LOC112694756: variants seen among roughly 807,000 people sequenced by gnomAD.
chr16:30,069,663 C>A, the LOC112694756 span: 1 of 1,613,596 alleles, frequency 6.2e-7, no homozygotes, highest in Non-Finnish European at 8.5e-7. Flanking sequence ...CAGTGCCCCC[C>A]GCTGTCACTG....
At chr16:30,060,270 C>T in the LOC112694756 span, among the ~76,000 whole-genome samples, 1 of 152,274 alleles carries the variant, frequency 6.6e-6, no homozygotes, top group East Asian at 1.9e-4. Context: ...TGAGCCACCA[C>T]ACCTGGCCTT....
the LOC112694756 span, chr16:30,067,517 C>G: frequency 6.2e-7 from 1 of 1,613,896 alleles, no homozygotes. Context: ...GCTTCTACCG[C>G]CAGCTGCTGC....
the LOC112694756 span, chr16:30,070,176 C>T: frequency 1.2e-6 from 2 of 1,614,132 alleles, no homozygotes; most frequent in Non-Finnish European, 1.7e-6. Context: ...GGGCTGCTGC[C>T]AGCGAGTCCC....
At chr16:30,069,324 G>A in the LOC112694756 span, 9 of 1,614,160 alleles carry the variant, frequency 5.6e-6, no homozygotes, top group Admixed American at 1.0e-4. Flanking sequence ...TGTGCCCATC[G>A]TGGAGCCTGA....
At chr16:30,067,820 A>G in the LOC112694756 span, 3 of 792,218 alleles carry the variant, frequency 3.8e-6, no homozygotes, top group South Asian at 1.5e-5. Context: ...AATCCTCACA[A>G]TTCTGAGAGA....
At chr16:30,067,487 G>T in the LOC112694756 span, 1 of 1,613,436 alleles carries the variant, frequency 6.2e-7, no homozygotes, top group South Asian at 1.1e-5. Context: ...TTGGCACCGA[G>T]AACACCGAGG....
At chr16:30,069,906 G>C in the LOC112694756 span, 2 of 1,614,148 alleles carry the variant, frequency 1.2e-6, no homozygotes, top group African/African-American at 2.7e-5. Context: ...AGTGCCCCCT[G>C]CTGAAGCCCT....
chr16:30,060,041 C>T, the LOC112694756 span, among the ~76,000 whole-genome samples: 1 of 151,712 alleles, frequency 6.6e-6, no homozygotes, highest in Admixed American at 6.6e-5. Flanking sequence ...TGCAGTAAAA[C>T]AATCTCGGCT....
chr16:30,069,481 G>A, the LOC112694756 span: 2 of 1,614,060 alleles, frequency 1.2e-6, no homozygotes, highest in Non-Finnish European at 1.7e-6. Flanking sequence ...TACCCACCGT[G>A]CGCCTGCTCT....
the LOC112694756 span, among the ~76,000 whole-genome samples, chr16:30,062,662 C>T: frequency 7.9e-5 from 12 of 151,134 alleles, no homozygotes; most frequent in East Asian, 1.9e-4. Context: ...GTCAACATAG[C>T]GAAACCCTGT....
the LOC112694756 span, chr16:30,067,536 G>A: frequency 6.2e-7 from 1 of 1,613,902 alleles, no homozygotes; most frequent in South Asian, 1.1e-5. Context: ...GCTGACAGCT[G>A]ACGACCGCGT....
At chr16:30,064,758 C>G in the LOC112694756 span, 1 of 257,906 alleles carries the variant, frequency 3.9e-6, no homozygotes, top group Non-Finnish European at 7.3e-6. Flanking sequence ...TGACCAGGCT[C>G]TGCCGGCTCC....
the LOC112694756 span, chr16:30,066,819 G>A: frequency 6.7e-7 from 1 of 1,495,254 alleles, no homozygotes; most frequent in African/African-American, 1.4e-5. Context: ...CCACGAGGGT[G>A]TTGGGCCCTC....
chr16:30,066,882 C>T, the LOC112694756 span: 1 of 1,547,334 alleles, frequency 6.5e-7, no homozygotes, highest in Non-Finnish European at 8.7e-7. Flanking sequence ...GTTTTGTTTT[C>T]AGGCAAGGTG....
At chr16:30,067,176 C>T in the LOC112694756 span, 7 of 1,608,638 alleles carry the variant, frequency 4.4e-6, no homozygotes, top group East Asian at 6.7e-5. Flanking sequence ...CCCTGGTCAT[C>T]GGGAGATGAT....
the LOC112694756 span, chr16:30,067,598 G>A: frequency 5.0e-6 from 8 of 1,613,998 alleles, no homozygotes; most frequent in South Asian, 8.8e-5. Flanking sequence ...TCTACCAGAA[G>A]GCGGATGATG....
chr16:30,061,805 C>G, the LOC112694756 span, among the ~76,000 whole-genome samples: 1 of 151,570 alleles, frequency 6.6e-6, no homozygotes, highest in African/African-American at 2.4e-5. Flanking sequence ...AGTGATCCGC[C>G]CACCTTGGCC....
chr16:30,062,847 A>G, the LOC112694756 span, among the ~76,000 whole-genome samples: 2 of 151,822 alleles, frequency 1.3e-5, no homozygotes, highest in South Asian at 2.1e-4. Flanking sequence ...TCTCGGAAAA[A>G]AAAAAAAAAA....
the LOC112694756 span, chr16:30,069,097 T>C: frequency 6.6e-7 from 1 of 1,509,898 alleles, no homozygotes; most frequent in Non-Finnish European, 9.1e-7. Flanking sequence ...CTTTGGCCCG[T>C]GGAGGACACT....
Sources: gnomAD v4.1 joint callset for allele counts (sites outside exome capture counted in the v4.1 genomes callset) on GRCh38, gnomAD v4.1.1 for gene constraint, MANE v1.5 for transcripts.